The following ALG5 variants were observed in gnomAD, a reference collection of about 807,000 sequenced individuals.
ALG5 encodes the protein ALG5 dolichyl-phosphate beta-glucosyltransferase, also known as dolichyl-phosphate beta-glucosyltransferase.
ALG5 carries 26 observed loss-of-function variants against 51.8 expected under a neutral mutation model. The observed-to-expected ratio is 0.50, with a 90% CI of 0.37 to 0.70. The LOEUF is 0.70. ALG5 is among the 30% of genes least tolerant of loss of function. The pLI, the probability that ALG5 is intolerant of heterozygous loss-of-function variation, is 0.00. For synonymous variants in ALG5, 141 were observed against 136.1 expected, an observed-to-expected ratio of 1.04 and a Z score of -0.25; for missense variants, 311 against 399.3, an observed-to-expected ratio of 0.78 and a Z score of 1.88.
chr13:36,995,197 G>A (rs2059043398), intron 2 of ALG5, among the ~76,000 whole-genome samples, 162 bp from the exon 3 acceptor site: 1 of 152,044 alleles, frequency 6.6e-6, no homozygotes, highest in African/African-American at 2.4e-5. Context: ...TCCACAATGT[G>A]CTTATTACCT....
intron 5 of ALG5, among the ~76,000 whole-genome samples, chr13:36,987,137 T>C (rs1250833678): frequency 6.6e-6 from 1 of 152,168 alleles, no homozygotes; most frequent in Non-Finnish European, 1.5e-5. Context: ...ATCTGACATA[T>C]GTGGATGACT....
intron 4 of ALG5, among the ~76,000 whole-genome samples, chr13:36,991,692 G>C (rs2059026118): frequency 6.6e-6 from 1 of 152,236 alleles, no homozygotes; most frequent in Admixed American, 6.5e-5. Context: ...GTGGGCTTTA[G>C]TAGAGGGAGG....
chr13:36,980,261 G>C (rs2058973689), intron 6 of ALG5, among the ~76,000 whole-genome samples: 1 of 152,036 alleles, frequency 6.6e-6, no homozygotes, highest in Admixed American at 6.6e-5. Context: ...TTGAGACAGA[G>C]TCTCTCTCTG....
intron 7 of ALG5, among the ~76,000 whole-genome samples, chr13:36,967,235 A>G (rs2138793729): frequency 6.6e-6 from 1 of 151,758 alleles, no homozygotes; most frequent in South Asian, 2.1e-4. Context: ...AAAAAAAAAA[A>G]AAGAAAAAAA....
intron 4 of ALG5, among the ~76,000 whole-genome samples, chr13:36,992,973 C>A (rs1269291548): frequency 6.6e-6 from 1 of 152,174 alleles, no homozygotes; most frequent in Non-Finnish European, 1.5e-5. Context: ...CAGCTGGCCA[C>A]TCACAGGTCA....
At chr13:36,985,052 T>C (rs1328989120) in intron 6 of ALG5, among the ~76,000 whole-genome samples, 2 of 151,898 alleles carry the variant, frequency 1.3e-5, no homozygotes, top group African/African-American at 4.8e-5. Context: ...TTCATTCTCT[T>C]ATTCATTTTT....
intron 8 of ALG5, among the ~76,000 whole-genome samples, chr13:36,964,058 G>GA (rs1437899576): frequency 1.3e-5 from 2 of 152,092 alleles, no homozygotes; most frequent in African/African-American, 2.4e-5. Context: ...ACAAATATAA[G>GA]AAAAAACTAC....
chr13:36,953,964 A>G (rs1383559139), intron 8 of ALG5, among the ~76,000 whole-genome samples: 1 of 152,132 alleles, frequency 6.6e-6, no homozygotes, highest in East Asian at 1.9e-4. Flanking sequence ...ATTATTATAT[A>G]TTATTTCTAA....
intron 4 of ALG5, 50 bp from the exon 5 acceptor site, chr13:36,989,626 A>G (rs367854298): frequency 7.1e-7 from 1 of 1,416,506 alleles, no homozygotes; most frequent in African/African-American, 1.4e-5. Context: ...ATTAAAGAGA[A>G]TTATATAAGC....
intron 5 of ALG5, among the ~76,000 whole-genome samples, chr13:36,986,828 G>C (rs1291860248): frequency 6.6e-6 from 1 of 152,166 alleles, no homozygotes; most frequent in African/African-American, 2.4e-5. Flanking sequence ...TTGGGAGGCT[G>C]AGGTGGTAAA....
chr13:36,990,005 G>A (rs951599662), intron 4 of ALG5, among the ~76,000 whole-genome samples: 2 of 152,168 alleles, frequency 1.3e-5, no homozygotes, highest in Admixed American at 6.5e-5. Flanking sequence ...TTATTCCCCA[G>A]AGAGGCTGTT....
chr13:36,956,072 T>C (rs2058838634), intron 8 of ALG5, among the ~76,000 whole-genome samples: 2 of 152,080 alleles, frequency 1.3e-5, no homozygotes, highest in Non-Finnish European at 2.9e-5. Flanking sequence ...AGACAACCTA[T>C]GGATTGGGAG....
At position 36,970,027 on chromosome 13, in the gene ALG5, C is replaced by A. The variant is rs144516203; in HGVS notation, c.621+1950G>T. Among the ~76,000 whole-genome samples the A allele has an allele frequency of 5.4e-3, 806 of 149,526 alleles. 7 individuals carry two copies. Among genetic ancestry groups the A allele is most frequent in the African/African-American group, 0.018 (757 of 41,046 alleles). ...ATTTAGTATTTAATAGTTTCTACTA[C>A]AATTTTATATATATACTATTTTATA... On this transcript the variant is annotated intron_variant, in intron 7 of 9. Transcript: ENST00000239891.
intron 7 of ALG5, 68 bp downstream of exon 7, chr13:36,971,909 A>G: frequency 8.3e-7 from 1 of 1,203,826 alleles, no homozygotes; most frequent in Non-Finnish European, 1.2e-6. Context: ...TTCTTGCCAG[A>G]TATATATATA....
At chr13:36,968,775 C>G (rs968492997) in intron 7 of ALG5, among the ~76,000 whole-genome samples, 10 of 152,204 alleles carry the variant, frequency 6.6e-5, no homozygotes, top group Non-Finnish European at 1.5e-4. Context: ...TTACTGACAG[C>G]ACACGAAGGG....
intron 1 of ALG5, among the ~76,000 whole-genome samples, chr13:36,997,118 G>A (rs2059054261): frequency 6.6e-6 from 1 of 152,216 alleles, no homozygotes; most frequent in African/African-American, 2.4e-5. Flanking sequence ...AGGCATTAAG[G>A]GGATGCAATC....
chr13:36,994,802 C>T (rs930909663), intron 3 of ALG5, among the ~76,000 whole-genome samples, 187 bp downstream of exon 3: 3 of 151,856 alleles, frequency 2.0e-5, no homozygotes, highest in Non-Finnish European at 4.4e-5. Context: ...CCTGGGTCAA[C>T]GACCTGCCTC....
At chr13:36,950,191 A>T (rs1189757189) in intron 9 of ALG5, 134 bp from the exon 10 acceptor site, 2 of 537,504 alleles carry the variant, frequency 3.7e-6, no homozygotes, top group Non-Finnish European at 6.5e-6. Context: ...CCAAAAAGTT[A>T]AACAATTTCA....
intron 7 of ALG5, among the ~76,000 whole-genome samples, chr13:36,969,639 A>G (rs2138796938): frequency 6.6e-6 from 1 of 152,040 alleles, no homozygotes; most frequent in African/African-American, 2.4e-5. Flanking sequence ...GGTTCACGTG[A>G]TTCTCCTGCC....
Sources: gnomAD v4.1 joint callset for allele counts (sites outside exome capture counted in the v4.1 genomes callset) on GRCh38, gnomAD v4.1.1 for gene constraint, MANE v1.5 for transcripts, NCBI Gene and HGNC (gene_info 2026-07-23, HGNC 2026-07-21) for gene names.